NBEA: variants seen among roughly 807,000 people sequenced by gnomAD.
The protein encoded by NBEA is neurobeachin, also known as lysosomal-trafficking regulator 2.
Under a neutral mutation model 343.4 loss-of-function variants are expected in NBEA, and 44 were observed. The ratio of observed to expected loss-of-function variants is 0.13; its 90% confidence interval spans 0.10 to 0.16. The LOEUF (loss-of-function observed/expected upper bound fraction) is 0.16. NBEA is among the 10% of genes least tolerant of loss of function. The probability of loss-of-function intolerance (pLI) is 1.00; values close to 1 mark genes in which losing one functional copy is unlikely to be tolerated. For synonymous variants in NBEA, 1,175 were observed against 1,238.7 expected (o/e 0.95, Z 1.08); for missense variants, 2,555 against 3,631.3 (o/e 0.70, Z 7.62).
At chr13:35,648,988 C>T (rs1365681015) in intron 51 of NBEA, among the ~76,000 whole-genome samples, 4 of 151,814 alleles carry the variant, frequency 2.6e-5, no homozygotes, top group Admixed American at 6.6e-5. Flanking sequence ...TAACAACCTG[C>T]GTGTCCTGCA....
At chr13:35,206,751 G>A (rs2073423358) in intron 31 of NBEA, among the ~76,000 whole-genome samples, 1 of 152,032 alleles carries the variant, frequency 6.6e-6, no homozygotes. Flanking sequence ...ATGCGAAGGA[G>A]GTAGCATTAG....
Position 35,314,285 on chromosome 13 carries a change from C to T in NBEA, c.5903+4693C>T, listed in dbSNP as rs756640359. 9.5e-4 allele frequency among the ~76,000 whole-genome samples: 145 copies of T among 152,046 alleles called. 1 individual carries two copies. The highest frequency in any genetic ancestry group is 2.0e-3 in the Non-Finnish European group (136 of 68,006). On this transcript the variant is annotated intron_variant, in intron 36 of 58. Transcript: ENST00000379939. Reference sequence around the variant, plus strand: ...TGGAGAAGAGAAAAAACTAAAGAAACCTGAGAGGCTTGCCAGGCAATTTGG... The same window carrying T: ...TGGAGAAGAGAAAAAACTAAAGAAATCTGAGAGGCTTGCCAGGCAATTTGG...
chr13:35,432,435 G>C (rs765040859), intron 39 of NBEA, 42 bp downstream of exon 39: 2 of 1,512,720 alleles, frequency 1.3e-6, no homozygotes, highest in East Asian at 4.9e-5. Flanking sequence ...TTCTGGATGT[G>C]AGGTGACTCC....
intron 46 of NBEA, among the ~76,000 whole-genome samples, chr13:35,585,921 C>T (rs1423790181): frequency 6.6e-6 from 1 of 152,120 alleles, no homozygotes; most frequent in Non-Finnish European, 1.5e-5. Context: ...ATTTAGATTC[C>T]CATTCTCTCT....
chr13:35,085,910 G>A (rs1458327290), intron 10 of NBEA, among the ~76,000 whole-genome samples: 3 of 152,138 alleles, frequency 2.0e-5, no homozygotes, highest in South Asian at 2.1e-4. Flanking sequence ...TCAATGTGCA[G>A]AAATCACAAG....
intron 38 of NBEA, among the ~76,000 whole-genome samples, chr13:35,425,402 G>A (rs1386346411): frequency 1.3e-5 from 2 of 152,064 alleles, no homozygotes; most frequent in Non-Finnish European, 2.9e-5. Flanking sequence ...ATTTTGTTAT[G>A]TACCCAGTAG....
intron 8 of NBEA, among the ~76,000 whole-genome samples, chr13:35,064,556 C>T (rs1427146134): frequency 6.6e-6 from 1 of 151,912 alleles, no homozygotes; most frequent in Non-Finnish European, 1.5e-5. Context: ...TCCATCTTGC[C>T]ATTTTTAAAA....
chr13:35,003,305 C>A (rs540936837), intron 1 of NBEA, among the ~76,000 whole-genome samples: 17 of 152,084 alleles, frequency 1.1e-4, no homozygotes, highest in African/African-American at 4.1e-4. Context: ...ATTGATTATG[C>A]GGTGCAGCAA....
At chr13:35,380,768 G>T (rs1476825314) in intron 38 of NBEA, among the ~76,000 whole-genome samples, 3 of 152,014 alleles carry the variant, frequency 2.0e-5, no homozygotes, top group Non-Finnish European at 4.4e-5. Context: ...GCTTTGATTT[G>T]TTTTTCTACT....
chr13:35,159,413 T>C lies in NBEA; in HGVS notation c.3242T>C (p.Leu1081Ser), dbSNP rs2069399430. ...LDDMDLSPETLVGGENGALVE... is the reference protein window; with the variant it reads ...LDDMDLSPETSVGGENGALVE... ...GATATGGATTTATCACCGGAGACTT[T>C]AGTAGGTGGAGAGAATGGTGCCCTT... The change falls in exon 22 of 59, where the codon TTA (leucine) becomes TCA (serine). Residue 1081 changes from leucine (L) to serine (S), a missense_variant. Around this residue, in one of 21 missense-constraint regions of NBEA, gnomAD observed 367 missense variants for 377.5 expected, o/e 0.97. Coordinates refer to ENST00000379939, the MANE Select transcript of NBEA (RefSeq NM_001385012.1). 2 of 1,613,404 alleles carry C rather than the reference T, an allele frequency of 1.2e-6. No individual in the cohort carries two copies. Among genetic ancestry groups the C allele is most frequent in the Middle Eastern group, 3.3e-4 (2 of 6,058 alleles).
At chr13:35,411,463 T>TG (rs2043580138) in intron 38 of NBEA, among the ~76,000 whole-genome samples, 1 of 68,556 alleles carries the variant, frequency 1.5e-5, no homozygotes, top group Admixed American at 1.4e-4. Flanking sequence ...TTGTCTCTTC[T>TG]TTTTTTTTTT....
chr13:35,458,062 T>C (rs2046680896), intron 40 of NBEA, among the ~76,000 whole-genome samples: 1 of 152,250 alleles, frequency 6.6e-6, no homozygotes, highest in Admixed American at 6.5e-5. Flanking sequence ...TGTGGACATA[T>C]GTTTTCATTT....
At chr13:35,406,610 C>T (rs546733022) in intron 38 of NBEA, among the ~76,000 whole-genome samples, 10 of 152,224 alleles carry the variant, frequency 6.6e-5, no homozygotes, top group Non-Finnish European at 8.8e-5. Context: ...CAATTCCATC[C>T]GGGTTTCAGT....
At chr13:35,183,084 GAA>G (rs1232647920) in intron 29 of NBEA, among the ~76,000 whole-genome samples, 1 of 151,950 alleles carries the variant, frequency 6.6e-6, no homozygotes, top group Admixed American at 6.6e-5. Flanking sequence ...GGACAACAAT[GAA>G]CCACCTTGGG....
chr13:35,601,804 C>T (rs1377523668), intron 47 of NBEA, among the ~76,000 whole-genome samples: 3 of 140,980 alleles, frequency 2.1e-5, no homozygotes, highest in African/African-American at 8.0e-5. Flanking sequence ...AAAAGAATGA[C>T]TGGATTGTTA....
At chr13:35,590,200 G>A (rs1008021360) in intron 46 of NBEA, among the ~76,000 whole-genome samples, 47 of 152,038 alleles carry the variant, frequency 3.1e-4, no homozygotes, top group Admixed American at 2.6e-3. Context: ...GTGGCTTGAA[G>A]GTAAAAGGGA....
chr13:35,348,306 G>A (rs1345774532), intron 36 of NBEA, among the ~76,000 whole-genome samples: 1 of 152,192 alleles, frequency 6.6e-6, no homozygotes, highest in Non-Finnish European at 1.5e-5. Context: ...AATTATCAGT[G>A]TTAGGAAGTG....
In NBEA at chr13:35,211,156, A is replaced by G. The variant is rs1002843989; in HGVS notation, c.5625A>G (p.Pro1875=). The change falls in exon 33 of 59, where the codon CCA becomes CCG. Residue 1875 remains proline, a synonymous_variant. Coordinates refer to ENST00000379939, the MANE Select transcript of NBEA (RefSeq NM_001385012.1). ...LPAVQTVAPM[P]EDSAENMSIT... ...CTGTACAAACTGTTGCTCCAATGCC[A>G]GAAGATTCAGCTGAAAATATGAGGT... 2 of 1,554,492 alleles carry G rather than the reference A, an allele frequency of 1.3e-6. No individual in the cohort carries two copies. Among genetic ancestry groups the G allele is most frequent in the African/African-American group, 1.4e-5 (1 of 73,238 alleles).
At chr13:35,157,335 A>C in intron 21 of NBEA, 65 bp downstream of exon 21, 2 of 1,208,536 alleles carry the variant, frequency 1.7e-6, no homozygotes, top group Non-Finnish European at 2.2e-6. Context: ...GGCTACAAAC[A>C]TGCATCTGGT....
Sources: allele counts gnomAD v4.1 joint callset (sites outside exome capture counted in the v4.1 genomes callset), GRCh38; gene constraint gnomAD v4.1.1; regional missense constraint gnomAD v4.1.1; transcripts MANE v1.5; gene names NCBI Gene and HGNC (gene_info 2026-07-23, HGNC 2026-07-21).